The following ME3 variants were observed in gnomAD, a reference collection of about 807,000 sequenced individuals.
The protein encoded by ME3 is NADP-dependent malic enzyme, mitochondrial.
Under a neutral mutation model 68.9 loss-of-function variants are expected in ME3, and 48 were observed. That is an observed-to-expected ratio of 0.70 (90% CI 0.55 to 0.89). The LOEUF (loss-of-function observed/expected upper bound fraction) is 0.89, where lower values mean the gene tolerates loss of function less well. ME3 is among the 40% of genes least tolerant of loss of function. ME3 has a pLI of 0.00. For missense variants in ME3, 675 were observed against 797.4 expected (o/e 0.85, Z 1.85); for synonymous variants, 320 against 318.8 (o/e 1.00, Z -0.04).
chr11:86,498,791 G>A (rs112220147), intron 5 of ME3, among the ~76,000 whole-genome samples: 4 of 152,310 alleles, frequency 2.6e-5, no homozygotes, highest in African/African-American at 9.6e-5. Context: ...TGAAGCTGAT[G>A]ATGATGATAG....
At chr11:86,521,431 A>ATAATAAGAATAATAATAATAATAAT (rs1555221577) in intron 4 of ME3, among the ~76,000 whole-genome samples, 1 of 145,924 alleles carries the variant, frequency 6.9e-6, no homozygotes, top group Non-Finnish European at 1.5e-5. Context: ...AACAAAACAA[A>ATAATAAGAATAATAATAATAATAAT]AATAATAATA....
chr11:86,481,713 G>A (rs1951420575), intron 7 of ME3, among the ~76,000 whole-genome samples: 1 of 152,148 alleles, frequency 6.6e-6, no homozygotes, highest in Non-Finnish European at 1.5e-5. Flanking sequence ...AACACCTGGA[G>A]AAAAATAACC....
intron 4 of ME3, among the ~76,000 whole-genome samples, chr11:86,527,122 GA>G (rs1565902976): frequency 6.6e-6 from 1 of 152,130 alleles, no homozygotes. Context: ...CTTGAAAAAA[GA>G]TTAGACAAAT....
At chr11:86,502,582 G>T (rs539513380) in intron 5 of ME3, among the ~76,000 whole-genome samples, 1 of 152,168 alleles carries the variant, frequency 6.6e-6, no homozygotes, top group African/African-American at 2.4e-5. Context: ...CCTGTTTTTC[G>T]TGACATCAAT....
At chr11:86,536,439 G>GA (rs1234710759) in intron 4 of ME3, among the ~76,000 whole-genome samples, 1 of 126,358 alleles carries the variant, frequency 7.9e-6, no homozygotes, top group Non-Finnish European at 1.6e-5. Context: ...AAATTTACAA[G>GA]AAAAAAACAA....
At chr11:86,452,716 C>G (rs1949698722) in intron 8 of ME3, among the ~76,000 whole-genome samples, 1 of 152,194 alleles carries the variant, frequency 6.6e-6, no homozygotes, top group African/African-American at 2.4e-5. Flanking sequence ...TACACATGGG[C>G]TAATTTCTTC....
At chr11:86,466,578 A>G (rs1486858291) in intron 7 of ME3, among the ~76,000 whole-genome samples, 1 of 152,140 alleles carries the variant, frequency 6.6e-6, no homozygotes, top group Admixed American at 6.5e-5. Flanking sequence ...CATCTTTCTG[A>G]TGAGGCTGGT....
intron 4 of ME3, among the ~76,000 whole-genome samples, chr11:86,517,107 A>G (rs952108456): frequency 2.0e-4 from 30 of 152,136 alleles, no homozygotes; most frequent in African/African-American, 6.8e-4. Flanking sequence ...GAAGCAATTC[A>G]TTCTGTTCTG....
Position 86,494,683 on chromosome 11 carries a change from G to T in ME3, c.705+3280C>A, listed in dbSNP as rs192715787. Among the ~76,000 whole-genome samples the T allele has an allele frequency of 1.7e-3, 255 of 148,116 alleles. 3 individuals carry two copies. The highest frequency in any genetic ancestry group is 0.012 in the Admixed American group (176 of 15,142). ...TAAAGCACCAGAAGGAGAAGCAGAC[G>T]CTTTGAGTAGATGTGACACGCGACT... On this transcript the variant is annotated intron_variant, in intron 6 of 14. Transcript: ENST00000543262.
chr11:86,645,407 G>A (rs1484875183), intron 2 of ME3, among the ~76,000 whole-genome samples: 1 of 152,158 alleles, frequency 6.6e-6, no homozygotes, highest in African/African-American at 2.4e-5. Context: ...TGATGCTTGA[G>A]TAGGCCGTTT....
chr11:86,637,519 G>A (rs189192696), intron 2 of ME3, among the ~76,000 whole-genome samples: 1 of 152,284 alleles, frequency 6.6e-6, no homozygotes, highest in Admixed American at 6.5e-5. Context: ...CAAGGGAGTA[G>A]GCAGCACAAA....
At chr11:86,611,014 G>A (rs868622581) in intron 2 of ME3, among the ~76,000 whole-genome samples, 5 of 152,094 alleles carry the variant, frequency 3.3e-5, no homozygotes, top group East Asian at 1.9e-4. Flanking sequence ...CCTAGACAGC[G>A]TTCTGAATTT....
At chr11:86,473,135 C>T (rs1273340890) in intron 7 of ME3, among the ~76,000 whole-genome samples, 1 of 152,220 alleles carries the variant, frequency 6.6e-6, no homozygotes, top group East Asian at 1.9e-4. Context: ...ACCCTGCATC[C>T]ACGGAGCAGA....
chr11:86,560,740 GTGTGTGTGTATATA>G lies in ME3; in HGVS notation c.184-931_184-918del, dbSNP rs1565953769. Among the ~76,000 whole-genome samples the G allele has an allele frequency of 7.1e-3, 384 of 53,880 alleles. 9 individuals are homozygous for G. The highest frequency in any genetic ancestry group is 0.022 in the African/African-American group (374 of 16,634). The allele number at this position is 53,880 out of a possible 152,430, so 35.3% of individuals were successfully genotyped here. On this transcript the variant is annotated intron_variant, in intron 2 of 14. Transcript: ENST00000543262. Reference sequence around the variant, plus strand: ...TGTGTGTGTGTATGTGTGTGTGTGTGTGTGTGTGTATATATATATATATATATATATATTTCCAG... The same window carrying G: ...TGTGTGTGTGTATGTGTGTGTGTGTGTATATATATATATATATATTTCCAG...
rs1167496964 is a variant in ME3, at chr11:86,610,666, T to C, written c.184-50843A>G. Among the ~76,000 whole-genome samples, 4 of 77,588 alleles carry C rather than the reference T, an allele frequency of 5.2e-5. No homozygotes were observed. In the South Asian group the frequency reaches 1.5e-3, roughly 29 times the overall value. 50.9% of individuals were successfully genotyped at this position (77,588 alleles called of 152,430 possible). ...GTAGTTCTCTTTTGGGCTGTGGGGT[T>C]GGGGGGTGGCTCTTGTCTTCTACTC... On this transcript the variant is annotated intron_variant, in intron 2 of 14. Coordinates refer to ENST00000543262, the Ensembl canonical transcript of ME3.
chr11:86,445,756 T>C (rs1949249576), intron 13 of ME3, among the ~76,000 whole-genome samples: 1 of 152,174 alleles, frequency 6.6e-6, no homozygotes, highest in Admixed American at 6.5e-5. Context: ...AGAACTCTTT[T>C]GTGCGCTTAT....
In ME3 at chr11:86,641,045, G is replaced by GGC. The variant is rs934206297; in HGVS notation, c.183+30716_183+30717insGC. On this transcript the variant is annotated intron_variant, in intron 2 of 14. Coordinates refer to ENST00000543262, the Ensembl canonical transcript of ME3. ...CTGCTCTCAATTTCACTGGGGGGGG[G>GGC]GGTCAATGAAGGGCATATGTGAGTA... Among the ~76,000 whole-genome samples the GGC allele has an allele frequency of 2.4e-4, 35 of 146,972 alleles. No individual in the cohort carries two copies. In the South Asian group the frequency reaches 6.1e-3, roughly 25 times the overall value.
chr11:86,511,172 C>T (rs551643182), intron 4 of ME3, among the ~76,000 whole-genome samples: 5 of 152,338 alleles, frequency 3.3e-5, no homozygotes, highest in Non-Finnish European at 7.3e-5. Context: ...AACATCCACT[C>T]TTGCCTCTCT....
At chr11:86,531,116 A>G (rs1254417719) in intron 4 of ME3, among the ~76,000 whole-genome samples, 2 of 152,368 alleles carry the variant, frequency 1.3e-5, no homozygotes, top group African/African-American at 4.8e-5. Flanking sequence ...AAGGGCTAAT[A>G]TCCAGAATCT....
Sources: allele counts gnomAD v4.1 joint callset (sites outside exome capture counted in the v4.1 genomes callset), GRCh38; gene constraint gnomAD v4.1.1; transcripts MANE v1.5; gene names NCBI Gene and HGNC (gene_info 2026-07-23, HGNC 2026-07-21).